The following CHODL variants were observed in gnomAD, a reference collection of about 807,000 sequenced individuals.
CHODL encodes transmembrane protein MT75.
In CHODL, 29 loss-of-function variants were observed where a neutral mutation model predicts 34.5. The ratio of observed to expected loss-of-function variants is 0.84; its 90% CI spans 0.63 to 1.15. The LOEUF (loss-of-function observed/expected upper bound fraction) is 1.15, where lower values mean the gene tolerates loss of function less well. Ranked by LOEUF, CHODL falls within the 50% of genes most tolerant of loss-of-function variation. CHODL has a pLI of 0.00. For synonymous variants in CHODL, 125 were observed against 116.1 expected (o/e 1.08, Z -0.49); for missense variants, 332 against 332.5 (o/e 1.00, Z 0.01).
intron 1 of CHODL, among the ~76,000 whole-genome samples, chr21:18,014,833 T>TTTTCTTTATAAATTGCCAAGGCTGAGGTA (rs2064056433): frequency 6.6e-6 from 1 of 152,192 alleles, no homozygotes; most frequent in Non-Finnish European, 1.5e-5. Context: ...ATTAAACCAC[T>TTTTCTTTATAAATTGCCAAGGCTGAGGTA]TTTCTTTATA....
intron 2 of CHODL, among the ~76,000 whole-genome samples, chr21:18,216,770 G>A (rs1329865608): frequency 1.3e-5 from 2 of 152,166 alleles, no homozygotes; most frequent in Non-Finnish European, 2.9e-5. Context: ...TTCTTCATGA[G>A]GTGGCAGGTG....
chr21:18,019,958 A>T (rs1460570561), intron 1 of CHODL, among the ~76,000 whole-genome samples: 1 of 152,118 alleles, frequency 6.6e-6, no homozygotes, highest in Non-Finnish European at 1.5e-5. Flanking sequence ...TGACCAAAAC[A>T]TGTCACATGG....
chr21:18,182,734 G>T (rs1199723603), intron 2 of CHODL, among the ~76,000 whole-genome samples: 1 of 152,002 alleles, frequency 6.6e-6, no homozygotes, highest in East Asian at 1.9e-4. Context: ...TGACTCCAAA[G>T]TAAAAGTAAG....
At chr21:18,041,100 G>T (rs927672973) in intron 2 of CHODL, among the ~76,000 whole-genome samples, 1 of 151,852 alleles carries the variant, frequency 6.6e-6, no homozygotes, top group Admixed American at 6.6e-5. Context: ...AAAATTATAT[G>T]ATGATTTCTG....
At chr21:17,991,323 T>A (rs2063795100) in intron 1 of CHODL, among the ~76,000 whole-genome samples, 1 of 152,102 alleles carries the variant, frequency 6.6e-6, no homozygotes, top group African/African-American at 2.4e-5. Flanking sequence ...AAATACCCAG[T>A]AGTGTGATTT....
chr21:18,227,170 T>G (rs1601171419), intron 2 of CHODL, among the ~76,000 whole-genome samples: 1 of 152,240 alleles, frequency 6.6e-6, no homozygotes, highest in South Asian at 2.1e-4. Context: ...TCATGAGGGC[T>G]TTGGCCTCAT....
chr21:18,154,150 G>A (rs181845369), intron 2 of CHODL, among the ~76,000 whole-genome samples: 31 of 152,194 alleles, frequency 2.0e-4, no homozygotes, highest in Middle Eastern at 3.4e-3. Flanking sequence ...AATTTTATTC[G>A]GTATAGGAAA....
At chr21:18,083,172 C>T (rs1309706455) in intron 2 of CHODL, among the ~76,000 whole-genome samples, 1 of 152,208 alleles carries the variant, frequency 6.6e-6, no homozygotes, top group Non-Finnish European at 1.5e-5. Context: ...CCAAGCCACT[C>T]CAGCTCCAGC....
chr21:17,980,937 C>A (rs1222828353), intron 1 of CHODL, among the ~76,000 whole-genome samples: 2 of 152,162 alleles, frequency 1.3e-5, no homozygotes, highest in Non-Finnish European at 2.9e-5. Flanking sequence ...ACAGCTCCAT[C>A]CCTTGTTAAT....
intron 2 of CHODL, among the ~76,000 whole-genome samples, chr21:18,188,937 A>ATGC (rs1315966761): frequency 6.6e-6 from 1 of 152,238 alleles, no homozygotes; most frequent in Non-Finnish European, 1.5e-5. Context: ...AACGAGGGTG[A>ATGC]TGCCAGTTCA....
chr21:18,219,908 G>A (rs1326271333), intron 2 of CHODL, among the ~76,000 whole-genome samples: 2 of 151,880 alleles, frequency 1.3e-5, no homozygotes, highest in Non-Finnish European at 2.9e-5. Context: ...GATTGTTGCT[G>A]TACTGTGCTG....
chr21:18,169,706 G>A (rs2073204252), intron 2 of CHODL, among the ~76,000 whole-genome samples: 1 of 151,236 alleles, frequency 6.6e-6, no homozygotes, highest in Non-Finnish European at 1.5e-5. Context: ...TTGATTTTAG[G>A]TTTTCTTTTA....
chr21:18,161,078 G>C (rs1292905875), intron 2 of CHODL, among the ~76,000 whole-genome samples: 3 of 152,122 alleles, frequency 2.0e-5, no homozygotes, highest in Non-Finnish European at 4.4e-5. Context: ...TTTCTTAAGT[G>C]ATGTTGAGCT....
At chr21:18,062,546 A>G (rs918530321) in intron 2 of CHODL, among the ~76,000 whole-genome samples, 1 of 152,032 alleles carries the variant, frequency 6.6e-6, no homozygotes, top group African/African-American at 2.4e-5. Context: ...TGGGCTGATC[A>G]CTTGAGGTCA....
chr21:17,998,931 A>G (rs2063878724), intron 1 of CHODL, among the ~76,000 whole-genome samples: 1 of 152,160 alleles, frequency 6.6e-6, no homozygotes, highest in African/African-American at 2.4e-5. Context: ...TACTTATGCA[A>G]ATTTCTGCAG....
chr21:18,129,235 TATTGAA>T (rs1163207264), intron 2 of CHODL, among the ~76,000 whole-genome samples: 2 of 151,470 alleles, frequency 1.3e-5, no homozygotes, highest in East Asian at 3.9e-4. Context: ...CTAGATATCT[TATTGAA>T]ATTCACCACA....
In CHODL at chr21:18,230,814, G is replaced by A. The variant is rs183968689; in HGVS notation, c.-44-25695G>A. Among the ~76,000 whole-genome samples the A allele has an allele frequency of 8.4e-4, 128 of 152,134 alleles. 1 individual carries two copies. The highest frequency in any genetic ancestry group is 6.5e-4 in the African/African-American group (27 of 41,526). On this transcript the variant is annotated intron_variant, in intron 2 of 6. Transcript: ENST00000400127. Reference sequence around the variant, plus strand: ...CAATCATAGTTATAATGCTTTTGGCGTAATTTTTGTCATTATAGACTAAAA... The same window carrying A: ...CAATCATAGTTATAATGCTTTTGGCATAATTTTTGTCATTATAGACTAAAA...
At chr21:18,045,439 G>A (rs970895403) in intron 2 of CHODL, among the ~76,000 whole-genome samples, 1 of 151,882 alleles carries the variant, frequency 6.6e-6, no homozygotes, top group Admixed American at 6.6e-5. Flanking sequence ...CAAAGGAGGA[G>A]GCCATATGAA....
Position 18,266,235 on chromosome 21 carries a change from T to A in CHODL, c.*197T>A. The A allele has an allele frequency of 1.3e-6, 2 of 1,489,656 alleles. No individual in the cohort carries two copies. Among genetic ancestry groups the A allele is most frequent in the Non-Finnish European group, 1.8e-6 (2 of 1,119,004 alleles). The allele number at this position is 1,489,656 out of a possible 1,614,324, so 92.3% of individuals were successfully genotyped here. On this transcript the variant is annotated 3_prime_UTR_variant, in exon 6 of 6. Coordinates refer to ENST00000299295, the MANE Select transcript of CHODL (RefSeq NM_024944.3). ...AGAATATGCTGTGCTAATAATGGAG[T>A]GAGACATGCTTATTTTGCTAAAGGA...
Sources: gnomAD v4.1 joint callset for allele counts (sites outside exome capture counted in the v4.1 genomes callset) on GRCh38, gnomAD v4.1.1 for gene constraint, MANE v1.5 for transcripts, NCBI Gene and HGNC (gene_info 2026-07-23, HGNC 2026-07-21) for gene names.